Variants in NOTCH2 observed in about 807,000 individuals in gnomAD.
NOTCH2 encodes the protein notch receptor 2, also known as neurogenic locus notch homolog protein 2.
NOTCH2 carries 29 observed loss-of-function variants against 235.8 expected under a neutral mutation model. That is an observed-to-expected ratio of 0.12 (90% confidence interval 0.09 to 0.17). The LOEUF (loss-of-function observed/expected upper bound fraction) is 0.17, where lower values mean the gene tolerates loss of function less well. Ranked by LOEUF, NOTCH2 falls within the 10% of genes least tolerant of loss-of-function variation. The probability of loss-of-function intolerance (pLI) is 1.00; values close to 1 mark genes in which losing one functional copy is unlikely to be tolerated. For missense variants in NOTCH2, 2,285 were observed against 3,150.2 expected (o/e 0.73, Z 6.57); for synonymous variants, 1,086 against 1,141.5 (o/e 0.95, Z 0.98).
At chr1:119,999,843 C>G (rs368233815) in intron 3 of NOTCH2, among the ~76,000 whole-genome samples, 1 of 149,946 alleles carries the variant, frequency 6.7e-6, no homozygotes, top group South Asian at 2.1e-4. Flanking sequence ...GACTGCGCCA[C>G]TGTACTAAGC....
intron 10 of NOTCH2, among the ~76,000 whole-genome samples, chr1:119,964,176 T>C (rs1651050387): frequency 1.3e-5 from 2 of 152,174 alleles, no homozygotes; most frequent in African/African-American, 4.8e-5. Flanking sequence ...AATATACAGG[T>C]TAATGATTTC....
chr1:120,045,648 T>C (rs2101382733), intron 1 of NOTCH2, among the ~76,000 whole-genome samples: 1 of 152,232 alleles, frequency 6.6e-6, no homozygotes, highest in Non-Finnish European at 1.5e-5. Context: ...GTATTCCCTC[T>C]TAAGGAGAGA....
chr1:120,017,591 T>G (rs1217370946), intron 2 of NOTCH2, among the ~76,000 whole-genome samples: 2 of 151,548 alleles, frequency 1.3e-5, no homozygotes, highest in African/African-American at 2.4e-5. Flanking sequence ...CACTTGAAGT[T>G]TGGGAACAAC....
chr1:120,042,369 A>G (rs1421181940), intron 1 of NOTCH2, among the ~76,000 whole-genome samples: 1 of 94,740 alleles, frequency 1.1e-5, no homozygotes, highest in Non-Finnish European at 1.8e-5. Flanking sequence ...TCTTTTGTTT[A>G]TCACTCTTAA....
Position 119,937,366 on chromosome 1 carries a change from A to G in NOTCH2, c.3438T>C (p.Cys1146=), listed in dbSNP as rs782436155. 1 of 1,614,116 alleles carries G rather than the reference A, an allele frequency of 6.2e-7. No individual in the cohort carries two copies. Among genetic ancestry groups the G allele is most frequent in the Non-Finnish European group, 8.5e-7 (1 of 1,180,022 alleles). Residue 1146 remains cysteine (C), a synonymous_variant, in exon 21 of 34, where the codon TGT becomes TGC. Coordinates refer to ENST00000256646, the MANE Select transcript of NOTCH2 (RefSeq NM_024408.4). ...QCPLGYTGSY[C]EEQLDECASN... is the part of the protein sequence containing the mutation. Reference sequence around the variant, plus strand: ...ACGCACACTCATCGAGTTGCTCCTCACAGTAGCTCCCAGTATAGCCCAGGG... The same window carrying G: ...ACGCACACTCATCGAGTTGCTCCTCGCAGTAGCTCCCAGTATAGCCCAGGG...
chr1:119,935,729 T>C, intron 21 of NOTCH2, 125 bp from the exon 22 acceptor site: 1 of 1,061,268 alleles, frequency 9.4e-7, no homozygotes, highest in Non-Finnish European at 1.4e-6. Flanking sequence ...TTTTGTATGT[T>C]TTCTCTGGAA....
chr1:119,984,204 G>T (rs587727698), intron 5 of NOTCH2, among the ~76,000 whole-genome samples: 108 of 152,084 alleles, frequency 7.1e-4, no homozygotes, highest in African/African-American at 2.5e-3. Flanking sequence ...CAAATCTCAG[G>T]ATAATGAAAT....
chr1:120,064,482 G>C (rs1267638081), intron 1 of NOTCH2, among the ~76,000 whole-genome samples: 3 of 151,662 alleles, frequency 2.0e-5, no homozygotes, highest in African/African-American at 7.3e-5. Context: ...CTCACCATCA[G>C]CCTCTCCTAT....
At chr1:119,948,246 A>G (rs1650331811) in intron 17 of NOTCH2, among the ~76,000 whole-genome samples, 168 bp downstream of exon 17, 1 of 152,266 alleles carries the variant, frequency 6.6e-6, no homozygotes, top group African/African-American at 2.4e-5. Context: ...ATTCCCAAGG[A>G]CACTAGCTTC....
Position 119,923,671 on chromosome 1 carries a change from A to T in NOTCH2, c.4825T>A (p.Ser1609Thr), listed in dbSNP as rs1454245868. Reference sequence around the variant, plus strand: ...TCCTGTTCTTGTTCACCAGGAAGGGATCTGCGTGTCATCCTCTGTTTCTTC... The same window carrying T: ...TCCTGTTCTTGTTCACCAGGAAGGGTTCTGCGTGTCATCCTCTGTTTCTTC... ...AMKKQRMTRR[S>T]LPGEQEQEVA... The change falls in exon 26 of 34, where the codon TCC (serine) becomes ACC (threonine). Residue 1609 changes from serine (S) to threonine (T), a missense_variant. By Grantham distance (58) the Ser-to-Thr change is moderately conservative. Transcript: ENST00000256646. 2 of 1,614,186 alleles carry T rather than the reference A, an allele frequency of 1.2e-6. No individual in the cohort carries two copies. Among genetic ancestry groups the T allele is most frequent in the East Asian group, 2.2e-5 (1 of 44,892 alleles).
chr1:119,922,801 C>T (rs373911666), intron 26 of NOTCH2, 23 bp from the exon 27 acceptor site: 149 of 1,613,612 alleles, frequency 9.2e-5, no homozygotes, highest in Middle Eastern at 1.7e-4. Flanking sequence ...AAGGGAGAAG[C>T]GGAGGAGGAG....
rs1200642954 is a variant in NOTCH2, at chr1:119,911,710, A to C, written c.*3596T>G. The C allele has an allele frequency of 4.3e-6, 1 of 233,114 alleles. No homozygotes were observed. The highest frequency in any genetic ancestry group is 8.5e-6 in the Non-Finnish European group (1 of 118,026). The allele number at this position is 233,114 out of a possible 1,614,324, so 14.4% of individuals were successfully genotyped here. On this transcript the variant is annotated 3_prime_UTR_variant, in exon 34 of 34. Transcript: ENST00000256646. ...AAACCAATCATTTACATAACAGCAT[A>C]ATTAATATTATGACTTATATCCCAG...
At chr1:120,045,573 A>ATC (rs1654751901) in intron 1 of NOTCH2, among the ~76,000 whole-genome samples, 1 of 149,338 alleles carries the variant, frequency 6.7e-6, no homozygotes, top group Non-Finnish European at 1.5e-5. Context: ...TCAAACAAGG[A>ATC]TTTTTACTTA....
chr1:119,936,754 C>T (rs958385874), intron 21 of NOTCH2, among the ~76,000 whole-genome samples: 2 of 152,172 alleles, frequency 1.3e-5, no homozygotes, highest in African/African-American at 4.8e-5. Context: ...CCATTATCAG[C>T]CCAGACATTA....
intron 10 of NOTCH2, 116 bp from the exon 11 acceptor site, chr1:119,963,923 T>C (rs1570697285): frequency 3.4e-6 from 3 of 894,256 alleles, no homozygotes; most frequent in East Asian, 2.6e-5. Context: ...CAATTAATAC[T>C]GCAGGTCTTG....
chr1:119,925,217 A>G (rs1026378351), intron 25 of NOTCH2, 88 bp downstream of exon 25: 2 of 1,538,402 alleles, frequency 1.3e-6, no homozygotes, highest in Non-Finnish European at 1.8e-6. Flanking sequence ...GCTTAGGCTG[A>G]AGCACTGGAG....
chr1:119,955,921 G>A (rs1471614650), intron 12 of NOTCH2, among the ~76,000 whole-genome samples: 1 of 152,196 alleles, frequency 6.6e-6, no homozygotes, highest in African/African-American at 2.4e-5. Flanking sequence ...GTTATTTTAA[G>A]TGGAGATTCC....
chr1:119,948,966 C>A, intron 16 of NOTCH2, 41 bp downstream of exon 16: 1 of 1,613,884 alleles, frequency 6.2e-7, no homozygotes, highest in South Asian at 1.1e-5. Context: ...TGTTTAAAGT[C>A]AGAATGCATG....
In NOTCH2 at chr1:119,959,381, A is replaced by G. The variant is rs781919080; in HGVS notation, c.2026+11T>C. On this transcript the variant is annotated intron_variant, in intron 12 of 33. Transcript: ENST00000256646. ...GCTGAAGGAGGGGCCTTGCAGTAAA[A>G]GGAGCTTTACCTGTGAATCCTGGTG... The G allele has an allele frequency of 6.1e-6, 9 of 1,474,056 alleles. No individual in the cohort carries two copies. Among genetic ancestry groups the G allele is most frequent in the South Asian group, 1.1e-5 (1 of 88,254 alleles). 91.3% of individuals were successfully genotyped at this position (1,474,056 alleles called of 1,614,324 possible).
Sources: allele counts gnomAD v4.1 joint callset (sites outside exome capture counted in the v4.1 genomes callset), GRCh38; gene constraint gnomAD v4.1.1; transcripts MANE v1.5; gene names NCBI Gene and HGNC (gene_info 2026-07-23, HGNC 2026-07-21).